The following KAZN variants were observed in gnomAD, a reference collection of about 807,000 sequenced individuals.
KAZN encodes kazrin, periplakin interacting protein.
Under a neutral mutation model 87.4 loss-of-function variants are expected in KAZN, and 40 were observed. The observed-to-expected ratio is 0.46, with a 90% confidence interval of 0.36 to 0.60. The LOEUF (loss-of-function observed/expected upper bound fraction) is 0.60. KAZN is among the 20% of genes least tolerant of loss of function. The pLI, the probability that KAZN is intolerant of heterozygous loss-of-function variation, is 0.00. For synonymous variants in KAZN, 466 were observed against 458.3 expected (o/e 1.02, Z -0.22); for missense variants, 898 against 1,073.9 (o/e 0.84, Z 2.29).
chr1:14,447,251 ATTATTG>A (rs1667036027), intron 2 of KAZN, among the ~76,000 whole-genome samples: 1 of 136,334 alleles, frequency 7.3e-6, no homozygotes, highest in Non-Finnish European at 1.6e-5. Context: ...TATTATTATT[ATTATTG>A]AGGCAGAATT....
At chr1:14,520,114 C>T (rs1468306048) in intron 2 of KAZN, among the ~76,000 whole-genome samples, 1 of 152,128 alleles carries the variant, frequency 6.6e-6, no homozygotes, top group African/African-American at 2.4e-5. Flanking sequence ...AGAGAGAGAT[C>T]TTCAGGAAAT....
chr1:14,709,472 C>A (rs1642379209), intron 1 of KAZN, among the ~76,000 whole-genome samples: 1 of 152,160 alleles, frequency 6.6e-6, no homozygotes, highest in South Asian at 2.1e-4. Flanking sequence ...GGTTCTCAGC[C>A]TGCCAGTGGC....
At chr1:14,747,430 C>A (rs2100468507) in intron 1 of KAZN, among the ~76,000 whole-genome samples, 1 of 152,274 alleles carries the variant, frequency 6.6e-6, no homozygotes, top group South Asian at 2.1e-4. Context: ...GCATGCACCA[C>A]CATGCCTGCC....
intron 3 of KAZN, among the ~76,000 whole-genome samples, chr1:15,040,717 G>A (rs1032043080): frequency 6.6e-6 from 1 of 151,380 alleles, no homozygotes; most frequent in Non-Finnish European, 1.5e-5. Context: ...AGTCAGCCAA[G>A]ATCGCACCAC....
chr1:14,538,633 AT>A (rs1672636612), intron 2 of KAZN, among the ~76,000 whole-genome samples: 1 of 152,216 alleles, frequency 6.6e-6, no homozygotes, highest in African/African-American at 2.4e-5. Context: ...CCTCCTCTTA[AT>A]GCTGTCATCT....
At chr1:14,483,006 G>A (rs533049265) in intron 2 of KAZN, among the ~76,000 whole-genome samples, 52 of 135,318 alleles carry the variant, frequency 3.8e-4, no homozygotes, top group Non-Finnish European at 5.8e-4. Flanking sequence ...GAGCTGTTCC[G>A]AGACTTAAAT....
intron 2 of KAZN, chr1:14,223,254 G>A (rs928411227): frequency 6.6e-6 from 1 of 152,192 alleles, no homozygotes; most frequent in Non-Finnish European, 1.5e-5. Context: ...AACAAAGATG[G>A]CAGCCTGAAA....
chr1:14,516,253 ATC>A (rs1428232246), intron 2 of KAZN, among the ~76,000 whole-genome samples: 2 of 152,154 alleles, frequency 1.3e-5, no homozygotes, highest in African/African-American at 2.4e-5. Context: ...CTCTCTCATG[ATC>A]TCTCTGCCCT....
intron 2 of KAZN, among the ~76,000 whole-genome samples, chr1:14,506,601 A>G (rs1461452269): frequency 1.3e-5 from 2 of 152,138 alleles, no homozygotes; most frequent in Non-Finnish European, 2.9e-5. Context: ...TCATCATTAT[A>G]TTTATCTGGG....
Position 15,089,732 on chromosome 1 carries a change from CAAAAAAAAAAAAAAAAA to C in KAZN, c.1223-4434_1223-4418del, listed in dbSNP as rs56260619. On this transcript the variant is annotated intron_variant, in intron 8 of 14. Transcript: ENST00000376030. ...GACAGCAAAGGGAAGCTTTTATTGGCAAAAAAAAAAAAAAAAAAAAAAAAAAAAAAGAGAAGTTCACA... is the reference window on the plus strand; with the variant it reads ...GACAGCAAAGGGAAGCTTTTATTGGCAAAAAAAAAAAAAGAGAAGTTCACA... Among the ~76,000 whole-genome samples the C allele has an allele frequency of 3.8e-4, 26 of 68,918 alleles. 1 individual carries two copies. The highest frequency in any genetic ancestry group is 2.3e-3 in the South Asian group (5 of 2,168). The allele number at this position is 68,918 out of a possible 152,430, so 45.2% of individuals were successfully genotyped here.
At chr1:14,421,357 T>G (rs1396388441) in intron 2 of KAZN, among the ~76,000 whole-genome samples, 2 of 152,122 alleles carry the variant, frequency 1.3e-5, no homozygotes, top group African/African-American at 4.8e-5. Flanking sequence ...TGGGTTTTCT[T>G]GGGGGTGCTA....
intron 2 of KAZN, among the ~76,000 whole-genome samples, chr1:14,317,420 T>C (rs1437851176): frequency 6.6e-6 from 1 of 152,006 alleles, no homozygotes; most frequent in Non-Finnish European, 1.5e-5. Flanking sequence ...TTTTCATATC[T>C]AAAGTAGATT....
At chr1:14,019,526 T>C (rs1406246232) in intron 1 of KAZN, among the ~76,000 whole-genome samples, 3 of 152,150 alleles carry the variant, frequency 2.0e-5, no homozygotes, top group Non-Finnish European at 4.4e-5. Context: ...CAGGTCCCCT[T>C]TCCTCCACCA....
chr1:15,001,967 G>A (rs536407300), intron 2 of KAZN, among the ~76,000 whole-genome samples: 72 of 129,932 alleles, frequency 5.5e-4, no homozygotes, highest in Middle Eastern at 4.6e-3. Context: ...TGCAAGCTCC[G>A]CCTCCTGGGT....
At chr1:14,142,334 TA>T (rs1379042716) in intron 1 of KAZN, among the ~76,000 whole-genome samples, 3 of 152,332 alleles carry the variant, frequency 2.0e-5, no homozygotes, top group East Asian at 3.9e-4. Context: ...ATACACAGTC[TA>T]AAAATGTCTT....
chr1:14,467,592 C>T (rs1283132100), intron 2 of KAZN, among the ~76,000 whole-genome samples: 1 of 137,342 alleles, frequency 7.3e-6, no homozygotes, highest in Non-Finnish European at 1.5e-5. Context: ...AAGTGACAAA[C>T]TTTATAATCT....
chr1:15,070,954 C>A (rs1235839133), intron 8 of KAZN, among the ~76,000 whole-genome samples: 1 of 152,234 alleles, frequency 6.6e-6, no homozygotes, highest in East Asian at 1.9e-4. Flanking sequence ...CTGGGCGGGG[C>A]AAAATATGCC....
chr1:14,523,905 A>G (rs541506383), intron 2 of KAZN, among the ~76,000 whole-genome samples: 2 of 152,372 alleles, frequency 1.3e-5, no homozygotes, highest in East Asian at 3.9e-4. Flanking sequence ...TAAAAATGCC[A>G]CATATGTCAG....
Position 14,773,325 on chromosome 1 carries a change from A to C in KAZN, c.226+174102A>C, listed in dbSNP as rs1022308370. Reference sequence around the variant, plus strand: ...CTGGCGTATGAGAAGACCACCCCCCACCCAATCCACCTCCCACCTCACCTG... The same window carrying C: ...CTGGCGTATGAGAAGACCACCCCCCCCCCAATCCACCTCCCACCTCACCTG... On this transcript the variant is annotated intron_variant, in intron 1 of 14. Transcript: ENST00000376030. This position sits in a 1 kb window ranked among gnomAD's most constrained non-coding sequence, Gnocchi z 5.9. 6.6e-6 allele frequency among the ~76,000 whole-genome samples: 1 copy of C among 151,962 alleles called. No individual in the cohort carries two copies. Among genetic ancestry groups the C allele is most frequent in the African/African-American group, 2.4e-5 (1 of 41,380 alleles).
Sources: allele counts gnomAD v4.1 joint callset (sites outside exome capture counted in the v4.1 genomes callset), GRCh38; gene constraint gnomAD v4.1.1; non-coding constraint Gnocchi (gnomAD v3.1); transcripts MANE v1.5; gene names NCBI Gene and HGNC (gene_info 2026-07-23, HGNC 2026-07-21).